RIMBP2: variants seen among roughly 807,000 people sequenced by gnomAD.
RIMBP2 encodes RIMS binding protein 2, also known as RIMS-binding protein 2.
Under a neutral mutation model 118.6 loss-of-function variants are expected in RIMBP2, and 48 were observed. The ratio of observed to expected loss-of-function variants is 0.40; its 90% CI spans 0.32 to 0.51. The LOEUF (loss-of-function observed/expected upper bound fraction) is 0.51. RIMBP2 is among the 20% of genes least tolerant of loss of function. The pLI is 0.41. For synonymous variants in RIMBP2, 762 were observed against 742.9 expected, an observed-to-expected ratio of 1.03 and a Z score of -0.42; for missense variants, 1,551 against 1,768.3, an observed-to-expected ratio of 0.88 and a Z score of 2.20.
chr12:130,678,055 G>C (rs2064583716), intron 1 of RIMBP2, among the ~76,000 whole-genome samples: 1 of 152,184 alleles, frequency 6.6e-6, no homozygotes, highest in Non-Finnish European at 1.5e-5. Flanking sequence ...GACTGTTCTG[G>C]ATTGCCTGAG....
Position 130,424,891 on chromosome 12 carries a change from G to T in RIMBP2, c.2413-33C>A. On this transcript the variant is annotated intron_variant, in intron 15 of 22. Coordinates refer to ENST00000690449, the MANE Select transcript of RIMBP2 (RefSeq NM_001393629.1). This position sits in a 1 kb window ranked among gnomAD's most constrained non-coding sequence, Gnocchi z 9.8. ...GGTGGTGTGTCAAGAACAGGCGCGGGAAAGAGTGTGTGGTCAGCATGAAGT... is the reference window on the plus strand; with the variant it reads ...GGTGGTGTGTCAAGAACAGGCGCGGTAAAGAGTGTGTGGTCAGCATGAAGT... 8.4e-7 allele frequency: 1 copy of T among 1,192,756 alleles called. No individual in the cohort carries two copies. Among genetic ancestry groups the T allele is most frequent in the Non-Finnish European group, 1.1e-6 (1 of 952,090 alleles). 73.9% of individuals were successfully genotyped at this position (1,192,756 alleles called of 1,614,324 possible).
At chr12:130,561,254 T>C (rs1332506011) in intron 2 of RIMBP2, among the ~76,000 whole-genome samples, 1 of 152,212 alleles carries the variant, frequency 6.6e-6, no homozygotes, top group African/African-American at 2.4e-5. Context: ...GTTTCAGCCA[T>C]GTGGTCTGTG....
At chr12:130,671,161 C>T (rs1253473620) in intron 1 of RIMBP2, among the ~76,000 whole-genome samples, 4 of 152,104 alleles carry the variant, frequency 2.6e-5, no homozygotes, top group African/African-American at 9.7e-5. Flanking sequence ...CCTGGAGCTA[C>T]AGCAACCATT....
chr12:130,641,381 T>C, intron 1 of RIMBP2, among the ~76,000 whole-genome samples: 2 of 141,692 alleles, frequency 1.4e-5, no homozygotes, highest in Non-Finnish European at 3.0e-5. Context: ...ACGGGCTGGA[T>C]TTAGGATGGT....
intron 3 of RIMBP2, among the ~76,000 whole-genome samples, chr12:130,516,368 T>C (rs2051462268): frequency 6.6e-6 from 1 of 152,216 alleles, no homozygotes; most frequent in Admixed American, 6.5e-5. Context: ...ATGCATCCTT[T>C]GAAGGTACAG....
At chr12:130,645,944 T>A (rs1352488340) in intron 1 of RIMBP2, among the ~76,000 whole-genome samples, 1 of 152,156 alleles carries the variant, frequency 6.6e-6, no homozygotes, top group South Asian at 2.1e-4. Context: ...ATAGCTTTGT[T>A]TGCACTCCTA....
At chr12:130,467,994 T>C (rs984021111) in intron 6 of RIMBP2, among the ~76,000 whole-genome samples, 1 of 152,208 alleles carries the variant, frequency 6.6e-6, no homozygotes, top group South Asian at 2.1e-4. Flanking sequence ...CTATTGTATC[T>C]GGCTGAGCAT....
chr12:130,633,075 G>A (rs980100146), intron 1 of RIMBP2, among the ~76,000 whole-genome samples: 3 of 152,024 alleles, frequency 2.0e-5, no homozygotes, highest in Non-Finnish European at 2.9e-5. Flanking sequence ...CAAGGTCCTC[G>A]CTACATAGAA....
Position 130,671,102 on chromosome 12 carries a change from G to A in RIMBP2, c.-351-42646C>T, listed in dbSNP as rs56047780. 8.6e-3 allele frequency among the ~76,000 whole-genome samples: 1,317 copies of A among 152,276 alleles called. 19 individuals carry two copies. The highest frequency in any genetic ancestry group is 0.03 in the African/African-American group (1,255 of 41,536). On this transcript the variant is annotated intron_variant, in intron 1 of 22. Transcript: ENST00000690449. ...CTGATAGGACAGAAAAGTAGAAGGG[G>A]CTAGATGGGGCTGGTGCCACGTTTC... is the stretch of plus-strand genomic sequence containing the variant.
In RIMBP2 at chr12:130,581,813, G is replaced by A. The variant is rs867897204; in HGVS notation, c.-217+46509C>T. ...TAGTAAGCTGTCAACATGGTGGCCA[G>A]AAGTCACAACACCAAAAAATAAGCC... On this transcript the variant is annotated intron_variant, in intron 2 of 22. Transcript: ENST00000690449. This position sits in a 1 kb window ranked among gnomAD's most constrained non-coding sequence, Gnocchi z 4.4. Among the ~76,000 whole-genome samples the A allele has an allele frequency of 9.2e-5, 14 of 152,328 alleles. No individual in the cohort carries two copies. The highest frequency in any genetic ancestry group is 7.2e-4 in the Admixed American group (11 of 15,312).
rs2080825972 is a variant in RIMBP2, at chr12:130,469,608, A to C, written c.153+1085T>G. 6.6e-6 allele frequency among the ~76,000 whole-genome samples: 1 copy of C among 152,192 alleles called. No individual in the cohort carries two copies. The highest frequency in any genetic ancestry group is 1.9e-4 in the East Asian group (1 of 5,188). Reference sequence around the variant, plus strand: ...CCTCCAGATAGTCATTAACTAATGGAGGCTTTCAGAAAATCCATTTTAATA... The same window carrying C: ...CCTCCAGATAGTCATTAACTAATGGCGGCTTTCAGAAAATCCATTTTAATA... On this transcript the variant is annotated intron_variant, in intron 6 of 22. Transcript: ENST00000690449. The surrounding 1 kb of genome is among the most constrained non-coding windows in gnomAD (Gnocchi z 4.8).
chr12:130,581,269 AAC>A lies in RIMBP2; in HGVS notation c.-217+47051_-217+47052del, dbSNP rs2058462335. Reference sequence around the variant, plus strand: ...AGGGGTGTGCCGGGAGTCAGGTTCAAACACAACAGGGTGGGGGGCGTGGATCT... The same window carrying A: ...AGGGGTGTGCCGGGAGTCAGGTTCAAACAACAGGGTGGGGGGCGTGGATCT... On this transcript the variant is annotated intron_variant, in intron 2 of 22. Transcript: ENST00000690449. The surrounding 1 kb of genome is among the most constrained non-coding windows in gnomAD (Gnocchi z 4.4). Among the ~76,000 whole-genome samples, 1 of 151,944 alleles carries A rather than the reference AAC, an allele frequency of 6.6e-6. No individual in the cohort carries two copies. The highest frequency in any genetic ancestry group is 1.5e-5 in the Non-Finnish European group (1 of 67,994).
At chr12:130,584,566 T>C (rs202179734) in intron 2 of RIMBP2, among the ~76,000 whole-genome samples, 1 of 149,940 alleles carries the variant, frequency 6.7e-6, no homozygotes, top group African/African-American at 2.5e-5. Flanking sequence ...CACCATCACC[T>C]CATCACCACC....
intron 2 of RIMBP2, among the ~76,000 whole-genome samples, chr12:130,608,212 T>G (rs1332854876): frequency 6.6e-6 from 1 of 152,096 alleles, no homozygotes; most frequent in Non-Finnish European, 1.5e-5. Flanking sequence ...AATGGGCAAG[T>G]TCTCCAAGCT....
intron 2 of RIMBP2, among the ~76,000 whole-genome samples, chr12:130,519,772 A>G (rs1442519423): frequency 1.3e-5 from 2 of 152,216 alleles, no homozygotes; most frequent in African/African-American, 4.8e-5. Context: ...CTGAGGTCAA[A>G]TTGCCTAAAT....
At chr12:130,488,573 T>A (rs1228164797) in intron 4 of RIMBP2, among the ~76,000 whole-genome samples, 1 of 152,254 alleles carries the variant, frequency 6.6e-6, no homozygotes. Flanking sequence ...ACAGCGTTAC[T>A]TTTCTAAATG....
intron 4 of RIMBP2, among the ~76,000 whole-genome samples, chr12:130,499,908 A>AG (rs2049576443): frequency 6.6e-6 from 1 of 152,190 alleles, no homozygotes; most frequent in Non-Finnish European, 1.5e-5. Flanking sequence ...TTTTTGAATG[A>AG]ATATATCTTT....
At position 130,511,047 on chromosome 12, in the gene RIMBP2, C is replaced by T. The variant is rs1197914492; in HGVS notation, c.-126-4277G>A. The stretch of plus-strand genomic sequence containing the variant: ...GAATATATCACTTTTTGTGGCAGAA[C>T]GGACCCTGAAGATGGGATTGCATGG... On this transcript the variant is annotated intron_variant, in intron 3 of 22. Transcript: ENST00000690449. The surrounding 1 kb of genome is among the most constrained non-coding windows in gnomAD (Gnocchi z 4.3). Among the ~76,000 whole-genome samples the T allele has an allele frequency of 1.3e-5, 2 of 152,084 alleles. No homozygotes were observed. Among genetic ancestry groups the T allele is most frequent in the Non-Finnish European group, 2.9e-5 (2 of 68,014 alleles).
chr12:130,509,417 T>C (rs1437087891), intron 3 of RIMBP2, among the ~76,000 whole-genome samples: 1 of 152,208 alleles, frequency 6.6e-6, no homozygotes. Flanking sequence ...TTGGGAATCC[T>C]CTTGGGAGAC....
Sources: allele counts gnomAD v4.1 joint callset (sites outside exome capture counted in the v4.1 genomes callset), GRCh38; gene constraint gnomAD v4.1.1; non-coding constraint Gnocchi (gnomAD v3.1); transcripts MANE v1.5; gene names NCBI Gene and HGNC (gene_info 2026-07-23, HGNC 2026-07-21).